Variants in CUL4B observed in about 807,000 individuals in gnomAD.
CUL4B encodes the protein cullin-4B.
Under a neutral mutation model 69.2 loss-of-function variants are expected in CUL4B, and 1 was observed. The ratio of observed to expected loss-of-function variants is 0.01; its 90% CI spans 0.01 to 0.07. CUL4B has a LOEUF of 0.07. Among genes scored for constraint, CUL4B ranks in the 10% least tolerant of loss-of-function variants. CUL4B has a pLI of 1.00. For synonymous variants in CUL4B, 237 were observed against 223.2 expected (o/e 1.06, Z -0.55); for missense variants, 328 against 638.8 (o/e 0.51, Z 5.24).
intron 1 of CUL4B, 22 bp downstream of exon 1, chrX:120,560,061 T>A: frequency 1.7e-6 from 2 of 1,211,409 alleles, no homozygotes; most frequent in Non-Finnish European, 2.2e-6. Context: ...ATTAGGTGAT[T>A]ATGGATTTTG....
chrX:120,533,035 G>A (rs1055091341), intron 17 of CUL4B, among the ~76,000 whole-genome samples: 27 of 112,382 alleles, frequency 2.4e-4, no homozygotes, highest in African/African-American at 7.7e-4. Flanking sequence ...CTGTAGTTAC[G>A]TCCAAAATTT....
chrX:120,567,118 ATTTT>A (rs72483160), downstream of CUL4B, among the ~76,000 whole-genome samples: 1 of 55,293 alleles, frequency 1.8e-5, no homozygotes, highest in Non-Finnish European at 3.2e-5. Flanking sequence ...GCCAATTTAG[ATTTT>A]TTTTTTTTTT....
upstream of CUL4B, among the ~76,000 whole-genome samples, chrX:120,561,593 G>A (rs1162340924): frequency 9.4e-6 from 1 of 106,197 alleles, no homozygotes; most frequent in African/African-American, 3.5e-5. Context: ...AGGAGCCTCG[G>A]GGGAGGGAAG....
chrX:120,535,726 A>AAT, intron 16 of CUL4B, 104 bp downstream of exon 16: 1 of 466,895 alleles, frequency 2.1e-6, no homozygotes, highest in Non-Finnish European at 3.7e-6. Flanking sequence ...AAAAAAAAAA[A>AAT]AAGAAGAAAA....
At chrX:120,541,287 T>C (rs1468469092) in intron 10 of CUL4B, among the ~76,000 whole-genome samples, 2 of 111,800 alleles carry the variant, frequency 1.8e-5, no homozygotes, top group Non-Finnish European at 1.9e-5. Context: ...ATCATTTGAG[T>C]TCAGGAGTTC....
upstream of CUL4B, among the ~76,000 whole-genome samples, chrX:120,565,787 G>A (rs1415012773): frequency 1.1e-5 from 1 of 88,137 alleles, no homozygotes. Flanking sequence ...GTGCAGCGGC[G>A]CCATCTCAGC....
intron 8 of CUL4B, 130 bp from the exon 9 acceptor site, chrX:120,543,163 A>C: frequency 2.2e-6 from 1 of 464,718 alleles, no homozygotes; most frequent in Non-Finnish European, 3.7e-6. Flanking sequence ...TCCTATGTAT[A>C]AATTTATTGG....
chrX:120,563,837 T>C, upstream of CUL4B, among the ~76,000 whole-genome samples: 1 of 112,346 alleles, frequency 8.9e-6, no homozygotes, highest in Middle Eastern at 4.6e-3. Context: ...TGAAAGGGAA[T>C]GGACATAAAG....
At chrX:120,538,814 G>C in intron 12 of CUL4B, 44 bp from the exon 13 acceptor site, 1 of 889,616 alleles carries the variant, frequency 1.1e-6, no homozygotes, top group Non-Finnish European at 1.6e-6. Flanking sequence ...CCAATAAAAA[G>C]TACTGACAAA....
chrX:120,549,911 G>A (rs924783447), intron 2 of CUL4B, among the ~76,000 whole-genome samples: 3 of 111,482 alleles, frequency 2.7e-5, no homozygotes, highest in East Asian at 2.8e-4. Flanking sequence ...GACTTAGTGC[G>A]TACTTCATCT....
chrX:120,540,896 A>G (rs1923947637), intron 10 of CUL4B, among the ~76,000 whole-genome samples: 1 of 112,535 alleles, frequency 8.9e-6, no homozygotes, highest in African/African-American at 3.2e-5. Flanking sequence ...ATAGTAAGCA[A>G]TGATCACTGG....
chrX:120,573,768 A>AT (rs1218567960), intron 2 of CUL4B, among the ~76,000 whole-genome samples: 2 of 112,129 alleles, frequency 1.8e-5, no homozygotes, highest in Non-Finnish European at 3.8e-5. Flanking sequence ...TTGCTATTAA[A>AT]TTTTTTATTA....
At chrX:120,555,578 C>T (rs1924913706) in intron 2 of CUL4B, among the ~76,000 whole-genome samples, 3 of 110,710 alleles carry the variant, frequency 2.7e-5, no homozygotes, top group South Asian at 3.8e-4. Context: ...GTTTGAGTTG[C>T]CCCTGCTCTG....
chrX:120,532,778 A>T (rs1923399832), intron 17 of CUL4B, among the ~76,000 whole-genome samples, 184 bp from the exon 18 acceptor site: 1 of 111,374 alleles, frequency 9.0e-6, no homozygotes, highest in African/African-American at 3.3e-5. Context: ...TTTAAAAAAA[A>T]TAGAGGCGGG....
In CUL4B at chrX:120,538,193, G is replaced by A. The variant is rs1556199319; in HGVS notation, c.1869C>T (p.Phe623=). ...TAAACATTCCTTCAAGTTTGCTGGT[G>A]AAAGCAGCTCCGCATTCTATTAAAG... ...SKLKHECGAA[F]TSKLEGMFKD... The change falls in exon 14 of 20, where the codon TTC becomes TTT. Residue 623 remains phenylalanine (F), a synonymous_variant. Coordinates refer to ENST00000371322, the MANE Select transcript of CUL4B (RefSeq NM_001079872.2). The A allele has an allele frequency of 8.5e-7, 1 of 1,181,071 alleles. No homozygotes were observed. The highest frequency in any genetic ancestry group is 1.8e-5 in the South Asian group (1 of 56,027).
intron 6 of CUL4B, 71 bp downstream of exon 6, chrX:120,544,410 T>C: frequency 2.8e-6 from 3 of 1,072,335 alleles, no homozygotes; most frequent in East Asian, 3.0e-5. Flanking sequence ...GCACATTACC[T>C]GTCTGATGTG....
intron 2 of CUL4B, among the ~76,000 whole-genome samples, chrX:120,573,650 C>T (rs1299615338): frequency 8.9e-6 from 1 of 111,960 alleles, no homozygotes; most frequent in Non-Finnish European, 1.9e-5. Flanking sequence ...CAAAATATTA[C>T]ATGAATTCAT....
chrX:120,542,484 T>C (rs1924054730), intron 9 of CUL4B, among the ~76,000 whole-genome samples: 1 of 112,101 alleles, frequency 8.9e-6, no homozygotes, highest in Non-Finnish European at 1.9e-5. Flanking sequence ...CTAAATTCAC[T>C]TGGGATTAGA....
Position 120,526,521 on chromosome X carries a change from T to C in CUL4B, c.*240A>G, listed in dbSNP as rs1922976658. 4.9e-5 allele frequency: 12 copies of C among 246,750 alleles called. No individual in the cohort carries two copies. In the South Asian group the frequency reaches 5.2e-4, roughly 11 times the overall value. The allele number at this position is 246,750 out of a possible 1,213,427, so 20.3% of individuals were successfully genotyped here. A position where few individuals can be genotyped will look rare whatever the true frequency, so the allele number is the denominator to read the frequency against. On this transcript the variant is annotated 3_prime_UTR_variant, in exon 20 of 20. Coordinates refer to ENST00000371322, the MANE Select transcript of CUL4B (RefSeq NM_001079872.2). ...GAAGACCAGGTACGTTCTTAAGTGT[T>C]TTCTGCACATCATACTAAATAACAT...
Sources: gnomAD v4.1 joint callset for allele counts (sites outside exome capture counted in the v4.1 genomes callset) on GRCh38, gnomAD v4.1.1 for gene constraint, MANE v1.5 for transcripts, NCBI Gene and HGNC (gene_info 2026-07-23, HGNC 2026-07-21) for gene names.